The following CACNA2D3 variants were observed in gnomAD, a reference collection of about 807,000 sequenced individuals.
CACNA2D3 encodes the protein voltage-dependent calcium channel subunit alpha-2/delta-3.
In CACNA2D3, 60 loss-of-function variants were observed where a neutral mutation model predicts 160.6. The observed-to-expected ratio is 0.37, with a 90% CI of 0.30 to 0.46. The LOEUF is 0.46. CACNA2D3 is among the 20% of genes least tolerant of loss of function. The pLI, the probability that CACNA2D3 is intolerant of heterozygous loss-of-function variation, is 1.00. For missense variants in CACNA2D3, 1,205 were observed against 1,365.0 expected, an observed-to-expected ratio of 0.88 and a Z score of 1.85; for synonymous variants, 558 against 492.9, an observed-to-expected ratio of 1.13 and a Z score of -1.75.
intron 2 of CACNA2D3, among the ~76,000 whole-genome samples, chr3:54,280,316 C>T (rs1461636787): frequency 1.3e-5 from 2 of 152,112 alleles, no homozygotes; most frequent in African/African-American, 4.8e-5. Context: ...CTCCTGACCT[C>T]ATGATCCGCC....
intron 4 of CACNA2D3, among the ~76,000 whole-genome samples, chr3:54,496,680 G>A (rs569760299): frequency 2.6e-5 from 4 of 152,168 alleles, no homozygotes; most frequent in African/African-American, 9.6e-5. Flanking sequence ...TAAAATGTAA[G>A]TGCCTTCTGT....
chr3:54,555,153 G>A (rs1702223899), intron 5 of CACNA2D3, among the ~76,000 whole-genome samples: 3 of 152,132 alleles, frequency 2.0e-5, no homozygotes, highest in African/African-American at 7.2e-5. Flanking sequence ...TGAGATTACA[G>A]GTGTGAGCCA....
intron 11 of CACNA2D3, among the ~76,000 whole-genome samples, chr3:54,657,388 C>T (rs557066258): frequency 1.3e-5 from 2 of 152,124 alleles, no homozygotes; most frequent in Non-Finnish European, 2.9e-5. Flanking sequence ...GAACACTTAA[C>T]GTGAGATCTA....
At chr3:54,919,838 T>A (rs1700783987) in intron 27 of CACNA2D3, among the ~76,000 whole-genome samples, 1 of 152,210 alleles carries the variant, frequency 6.6e-6, no homozygotes, top group South Asian at 2.1e-4. Context: ...CTCACAGAGG[T>A]CACGAGTGGA....
chr3:54,185,201 A>G (rs1402679280), intron 2 of CACNA2D3, among the ~76,000 whole-genome samples: 1 of 152,248 alleles, frequency 6.6e-6, no homozygotes, highest in Non-Finnish European at 1.5e-5. Flanking sequence ...AATGGCTTAT[A>G]GAAGTTTCCA....
intron 4 of CACNA2D3, among the ~76,000 whole-genome samples, chr3:54,503,241 T>G (rs1158812213): frequency 6.6e-6 from 1 of 152,222 alleles, no homozygotes; most frequent in Non-Finnish European, 1.5e-5. Flanking sequence ...TATATGCACA[T>G]AAGAAAGTAC....
At chr3:54,888,348 C>G (rs1324246954) in intron 24 of CACNA2D3, among the ~76,000 whole-genome samples, 1 of 152,108 alleles carries the variant, frequency 6.6e-6, no homozygotes, top group Non-Finnish European at 1.5e-5. Context: ...TTGCCTGCCT[C>G]GCCACAGCTC....
intron 2 of CACNA2D3, among the ~76,000 whole-genome samples, chr3:54,150,529 T>C (rs1365769464): frequency 6.6e-6 from 1 of 152,210 alleles, no homozygotes; most frequent in African/African-American, 2.4e-5. Flanking sequence ...TTTGGGAACA[T>C]ACTGGTATCT....
At chr3:55,019,268 ATTC>A (rs1376661749) in intron 35 of CACNA2D3, among the ~76,000 whole-genome samples, 5 of 151,652 alleles carry the variant, frequency 3.3e-5, no homozygotes, top group African/African-American at 1.2e-4. Flanking sequence ...TCCTTTCCTT[ATTC>A]TTCTTCTAAG....
intron 27 of CACNA2D3, among the ~76,000 whole-genome samples, chr3:54,920,633 A>AG (rs1393057455): frequency 2.6e-5 from 4 of 152,194 alleles, no homozygotes; most frequent in Admixed American, 6.5e-5. Context: ...ACCTGACCAT[A>AG]GGAGCCTCTG....
intron 4 of CACNA2D3, among the ~76,000 whole-genome samples, chr3:54,471,420 A>G (rs1043285941): frequency 6.6e-6 from 1 of 152,238 alleles, no homozygotes; most frequent in African/African-American, 2.4e-5. Flanking sequence ...AGGGAAATTT[A>G]TAGCACTAAA....
At chr3:54,480,854 T>C (rs1293512805) in intron 4 of CACNA2D3, among the ~76,000 whole-genome samples, 1 of 152,124 alleles carries the variant, frequency 6.6e-6, no homozygotes, top group Non-Finnish European at 1.5e-5. Flanking sequence ...GAAATTCCTT[T>C]GTGACAGATG....
At chr3:54,294,137 A>G (rs1703275679) in intron 2 of CACNA2D3, among the ~76,000 whole-genome samples, 1 of 152,204 alleles carries the variant, frequency 6.6e-6, no homozygotes, top group Non-Finnish European at 1.5e-5. Flanking sequence ...AAACCCTGAT[A>G]TTCGCCAGTG....
intron 2 of CACNA2D3, among the ~76,000 whole-genome samples, chr3:54,286,583 A>C (rs947932002): frequency 1.3e-5 from 2 of 152,216 alleles, no homozygotes; most frequent in African/African-American, 4.8e-5. Flanking sequence ...AGAGAACGCC[A>C]CAAAGATATT....
chr3:54,815,113 C>T (rs1427359793), intron 13 of CACNA2D3, among the ~76,000 whole-genome samples: 2 of 152,190 alleles, frequency 1.3e-5, no homozygotes, highest in Non-Finnish European at 2.9e-5. Context: ...TTTCTCATCT[C>T]GTGGTCTATT....
chr3:54,165,599 C>CT (rs1553741708), intron 2 of CACNA2D3, among the ~76,000 whole-genome samples: 17 of 57,036 alleles, frequency 3.0e-4, no homozygotes, highest in Admixed American at 1.5e-3. Context: ...AGTTCCATCT[C>CT]TAAAAAAAAA....
At chr3:54,153,676 T>C (rs1199786715) in intron 2 of CACNA2D3, among the ~76,000 whole-genome samples, 1 of 152,208 alleles carries the variant, frequency 6.6e-6, no homozygotes, top group Non-Finnish European at 1.5e-5. Context: ...TCACAAGAAG[T>C]ATATTTGCAT....
intron 2 of CACNA2D3, among the ~76,000 whole-genome samples, chr3:54,282,232 G>A (rs1175159740): frequency 6.6e-6 from 1 of 152,202 alleles, no homozygotes; most frequent in Non-Finnish European, 1.5e-5. Flanking sequence ...AATTGTCACT[G>A]AATTTTCTAT....
intron 4 of CACNA2D3, among the ~76,000 whole-genome samples, chr3:54,463,661 A>G (rs1376057871): frequency 6.6e-6 from 1 of 152,110 alleles, no homozygotes; most frequent in African/African-American, 2.4e-5. Flanking sequence ...TATTCTAGTT[A>G]TACATTCGTC....
Sources: gnomAD v4.1 joint callset for allele counts (sites outside exome capture counted in the v4.1 genomes callset) on GRCh38, gnomAD v4.1.1 for gene constraint, MANE v1.5 for transcripts, NCBI Gene and HGNC (gene_info 2026-07-23, HGNC 2026-07-21) for gene names.